Variants in TMPRSS4 observed in about 807,000 individuals in gnomAD.
TMPRSS4 encodes the protein transmembrane protease serine 4.
TMPRSS4 carries 45 observed loss-of-function variants against 56.4 expected under a neutral mutation model. That is an observed-to-expected ratio of 0.80 (90% CI 0.63 to 1.02). The LOEUF is 1.02. Among genes scored for constraint, TMPRSS4 ranks in the 50% least tolerant of loss-of-function variants. The pLI is 0.00. For synonymous variants in TMPRSS4, 205 were observed against 211.0 expected (o/e 0.97, Z 0.25); for missense variants, 546 against 556.7 (o/e 0.98, Z 0.19).
At chr11:118,103,894 G>A (rs1011654844) in intron 4 of TMPRSS4, among the ~76,000 whole-genome samples, 1 of 152,174 alleles carries the variant, frequency 6.6e-6, no homozygotes, top group African/African-American at 2.4e-5. Context: ...TATGAAATTT[G>A]TTATTTCAAG....
At chr11:118,102,414 G>T (rs978907919) in intron 3 of TMPRSS4, among the ~76,000 whole-genome samples, 1 of 152,130 alleles carries the variant, frequency 6.6e-6, no homozygotes, top group Non-Finnish European at 1.5e-5. Context: ...TCCATATAAA[G>T]TTGCACAGTA....
intron 5 of TMPRSS4, chr11:118,105,765 A>G (rs887698534): frequency 6.6e-6 from 1 of 151,312 alleles, no homozygotes; most frequent in African/African-American, 2.5e-5. Flanking sequence ...CTGGACCCAG[A>G]GACTAGGCCA....
At chr11:118,078,229 C>G (rs1373725416) in intron 1 of TMPRSS4, among the ~76,000 whole-genome samples, 3 of 151,968 alleles carry the variant, frequency 2.0e-5, no homozygotes, top group Non-Finnish European at 4.4e-5. Context: ...AGCTGAGGGC[C>G]AGGGAGGGGA....
downstream of TMPRSS4, among the ~76,000 whole-genome samples, chr11:118,122,700 T>C (rs1347645864): frequency 6.6e-6 from 1 of 152,170 alleles, no homozygotes; most frequent in Non-Finnish European, 1.5e-5. Context: ...TCAATATAGA[T>C]GAATGACAGG....
chr11:118,086,329 C>T (rs1443952749), intron 1 of TMPRSS4, among the ~76,000 whole-genome samples: 2 of 152,228 alleles, frequency 1.3e-5, no homozygotes, highest in Non-Finnish European at 2.9e-5. Context: ...GCCCTGGAGC[C>T]ATTATGTGCT....
rs746642602 is a variant in TMPRSS4 at position 118,099,055 on chromosome 11, A to G, written c.114A>G (p.Ile38Met). ...TFRKVGIPIIIALLSLASIII... is the reference protein window; with the variant it reads ...TFRKVGIPIIMALLSLASIII... ...GAAAGGTGGGGATCCCCATCATCAT[A>G]GCACTACTGAGCCTGGCGAGTATCA... The change falls in exon 3 of 13, where the codon ATA becomes ATG. Residue 38 changes from isoleucine (I) to methionine (M), a missense_variant. Physicochemically the swap from Ile to Met is conservative, Grantham distance 10. Transcript: ENST00000437212. 1.5e-5 allele frequency: 24 copies of G among 1,613,856 alleles called. No individual in the cohort carries two copies. Among genetic ancestry groups the G allele is most frequent in the Non-Finnish European group, 2.0e-5 (24 of 1,179,956 alleles).
intron 1 of TMPRSS4, among the ~76,000 whole-genome samples, chr11:118,083,135 C>G (rs1470705546): frequency 1.3e-5 from 2 of 152,226 alleles, no homozygotes; most frequent in East Asian, 1.9e-4. Flanking sequence ...TCGTCTGCCA[C>G]AGAAACCTTC....
intron 1 of TMPRSS4, among the ~76,000 whole-genome samples, chr11:118,094,486 A>G (rs1946175923): frequency 6.6e-6 from 1 of 152,206 alleles, no homozygotes; most frequent in Non-Finnish European, 1.5e-5. Context: ...AGTATCTGTA[A>G]ACATAGACAA....
intron 5 of TMPRSS4, chr11:118,107,234 T>C (rs6589646): frequency 0.52 from 78,569 of 151,954 alleles, 20,651 homozygotes; most frequent in Middle Eastern, 0.65. Context: ...GAAACGTTTG[T>C]CTGGATTCAT....
chr11:118,099,278 T>G, intron 3 of TMPRSS4, 180 bp downstream of exon 3: 2 of 465,218 alleles, frequency 4.3e-6, no homozygotes, highest in African/African-American at 2.1e-5. Flanking sequence ...CCCCTCCCAT[T>G]ATCACCTCAG....
chr11:118,117,924 C>G lies in TMPRSS4; in HGVS notation c.*11C>G, dbSNP rs1332703945. The stretch of plus-strand genomic sequence containing the variant: ...TAGGCTGAGCTGTAATGCTGCTGCC[C>G]CTTTGCAGTGCTGGGAGCCGCTTCC... On this transcript the variant is annotated 3_prime_UTR_variant, in exon 13 of 13. Coordinates refer to ENST00000437212, the MANE Select transcript of TMPRSS4 (RefSeq NM_019894.4). 1 of 1,613,142 alleles carries G rather than the reference C, an allele frequency of 6.2e-7. No homozygotes were observed. Among genetic ancestry groups the G allele is most frequent in the Admixed American group, 1.7e-5 (1 of 60,036 alleles).
chr11:118,086,931 G>A (rs943884300), intron 1 of TMPRSS4: 5 of 152,506 alleles, frequency 3.3e-5, no homozygotes, highest in Admixed American at 3.3e-4. Context: ...CTGTGGCCGG[G>A]CCCCACTCTG....
intron 12 of TMPRSS4, 94 bp from the exon 13 acceptor site, chr11:118,117,808 T>C (rs1188084042): frequency 3.1e-6 from 5 of 1,611,900 alleles, no homozygotes; most frequent in Non-Finnish European, 3.4e-6. Flanking sequence ...AGAAGCAAAG[T>C]GTTTCAGAAA....
rs1027050691 is a variant in TMPRSS4 at position 118,115,150 on chromosome 11, A to C, written c.1022A>C (p.Asp341Ala). The change falls in exon 11 of 13, where the codon GAC becomes GCC. Residue 341 changes from aspartate to alanine, a missense_variant. By Grantham distance (126) the Asp-to-Ala change is moderately radical. Coordinates refer to ENST00000437212, the MANE Select transcript of TMPRSS4 (RefSeq NM_019894.4). Reference protein sequence around the residue: ...FTKQNGGKMSDILLQASVQVI... With the variant: ...FTKQNGGKMSAILLQASVQVI... Reference sequence around the variant, plus strand: ...TTTACCCTCCCAGGGAAGATGTCTGACATACTGCTGCAGGCGTCAGTCCAG... The same window carrying C: ...TTTACCCTCCCAGGGAAGATGTCTGCCATACTGCTGCAGGCGTCAGTCCAG... 1.7e-5 allele frequency: 27 copies of C among 1,611,092 alleles called. No individual in the cohort carries two copies. The highest frequency in any genetic ancestry group is 2.2e-5 in the Non-Finnish European group (26 of 1,179,138).
intron 9 of TMPRSS4, among the ~76,000 whole-genome samples, chr11:118,113,990 A>T (rs1335541539): frequency 6.6e-6 from 1 of 152,260 alleles, no homozygotes; most frequent in Non-Finnish European, 1.5e-5. Flanking sequence ...TCCATTGTCA[A>T]ATAAGTTTGG....
At position 118,111,334 on chromosome 11, in the gene TMPRSS4, C is replaced by T. The variant is rs753523161; in HGVS notation, c.584-407C>T. On this transcript the variant is annotated intron_variant, in intron 7 of 12. Coordinates refer to ENST00000437212, the MANE Select transcript of TMPRSS4 (RefSeq NM_019894.4). Reference sequence around the variant, plus strand: ...AGTTTTGGATGAGACAGTCCACTTCCGAGTCACAAAATAGCTTGTGGGTGT... The same window carrying T: ...AGTTTTGGATGAGACAGTCCACTTCTGAGTCACAAAATAGCTTGTGGGTGT... 3.3e-5 allele frequency among the ~76,000 whole-genome samples: 5 copies of T among 152,210 alleles called. No homozygotes were observed. The East Asian group carries it at 5.8e-4, about 18-fold the overall frequency.
intron 7 of TMPRSS4, among the ~76,000 whole-genome samples, chr11:118,109,784 T>C (rs979197587): frequency 7.9e-5 from 12 of 152,248 alleles, no homozygotes; most frequent in Admixed American, 1.3e-4. Flanking sequence ...GGAGTGTATA[T>C]GCTTTCCTGC....
Position 118,104,804 on chromosome 11 carries a change from C to A in TMPRSS4, c.424C>A (p.Gln142Lys), listed in dbSNP as rs1420673020. 1.9e-6 allele frequency: 3 copies of A among 1,609,742 alleles called. No homozygotes were observed. The highest frequency in any genetic ancestry group is 1.7e-6 in the Non-Finnish European group (2 of 1,177,942). The change falls in exon 5 of 13, where the codon CAG becomes AAG. Residue 142 changes from glutamine (Q) to lysine (K), a missense_variant. Gln to Lys is a moderately conservative substitution (Grantham distance 53). Transcript: ENST00000437212. ...AGCTCTCGCTGAGACAGCCTGTAGGCAGATGGGCTACAGCAGGTAACCAAC... is the reference window on the plus strand; with the variant it reads ...AGCTCTCGCTGAGACAGCCTGTAGGAAGATGGGCTACAGCAGGTAACCAAC... ...TEALAETACRQMGYSSKPTFR... is the reference protein window; with the variant it reads ...TEALAETACRKMGYSSKPTFR...
intron 6 of TMPRSS4, chr11:118,108,543 T>G (rs1947113306): frequency 8.2e-6 from 3 of 364,394 alleles, no homozygotes; most frequent in Non-Finnish European, 9.8e-6. Flanking sequence ...AAGCCCACAG[T>G]GTCACAGACT....
Sources: gnomAD v4.1 joint callset for allele counts (sites outside exome capture counted in the v4.1 genomes callset) on GRCh38, gnomAD v4.1.1 for gene constraint, MANE v1.5 for transcripts, NCBI Gene and HGNC (gene_info 2026-07-23, HGNC 2026-07-21) for gene names.